The following LGSN variants were observed in gnomAD, a reference collection of about 807,000 sequenced individuals.
LGSN encodes lengsin, lens protein with glutamine synthetase domain, also known as lengsin.
Under a neutral mutation model 19.5 loss-of-function variants are expected in LGSN, and 21 were observed. The ratio of observed to expected loss-of-function variants is 1.07; its 90% CI spans 0.76 to 1.55. The LOEUF (loss-of-function observed/expected upper bound fraction) is 1.55, where lower values mean the gene tolerates loss of function less well. Among genes scored for constraint, LGSN ranks in the 40% most tolerant of loss-of-function variants. The pLI, the probability that LGSN is intolerant of heterozygous loss-of-function variation, is 0.00. For missense variants in LGSN, 673 were observed against 608.5 expected, an observed-to-expected ratio of 1.11 and a Z score of -1.12; for synonymous variants, 257 against 215.6, an observed-to-expected ratio of 1.19 and a Z score of -1.68.
the LGSN span, among the ~76,000 whole-genome samples, chr6:63,349,157 T>C: frequency 6.6e-6 from 1 of 151,522 alleles, no homozygotes; most frequent in African/African-American, 2.5e-5. Context: ...AAAGAGCTTC[T>C]TACATGCCAT....
At chr6:63,527,551 A>G in the LGSN span, among the ~76,000 whole-genome samples, 9 of 152,192 alleles carry the variant, frequency 5.9e-5, no homozygotes, top group Non-Finnish European at 1.2e-4. Context: ...ATTATAAAAT[A>G]ATATTTTCAC....
chr6:63,560,478 C>T, the LGSN span, among the ~76,000 whole-genome samples: 2 of 150,642 alleles, frequency 1.3e-5, no homozygotes. Context: ...TCTAGACTCA[C>T]TGCAACCTCT....
chr6:63,522,484 C>G, the LGSN span, among the ~76,000 whole-genome samples: 1 of 152,286 alleles, frequency 6.6e-6, no homozygotes, highest in African/African-American at 2.4e-5. Context: ...TTATCACCCT[C>G]GCCAAGACTG....
chr6:63,518,067 G>T, the LGSN span, among the ~76,000 whole-genome samples: 1 of 150,270 alleles, frequency 6.7e-6, no homozygotes, highest in Non-Finnish European at 1.5e-5. Context: ...CAAGAGAATT[G>T]CTTAAACCCG....
At chr6:63,416,958 C>CAT in the LGSN span, among the ~76,000 whole-genome samples, 3 of 148,746 alleles carry the variant, frequency 2.0e-5, no homozygotes, top group Non-Finnish European at 4.5e-5. Flanking sequence ...CACACACACA[C>CAT]ATTTAACGAA....
At chr6:63,398,464 T>C in the LGSN span, among the ~76,000 whole-genome samples, 6 of 152,054 alleles carry the variant, frequency 3.9e-5, no homozygotes, top group Admixed American at 2.0e-4. Context: ...AAAAAATACA[T>C]GTAAAAATAG....
the LGSN span, among the ~76,000 whole-genome samples, chr6:63,453,859 T>G: frequency 6.6e-6 from 1 of 152,096 alleles, no homozygotes; most frequent in African/African-American, 2.4e-5. Context: ...GGTTTCACTG[T>G]GTCAGCCAAG....
chr6:63,334,041 C>T, the LGSN span, among the ~76,000 whole-genome samples: 1 of 152,244 alleles, frequency 6.6e-6, no homozygotes, highest in Admixed American at 6.5e-5. Context: ...AAGTTGAATG[C>T]CTTTTCTCTA....
the LGSN span, among the ~76,000 whole-genome samples, chr6:63,431,939 G>T: frequency 6.6e-6 from 1 of 151,580 alleles, no homozygotes; most frequent in Non-Finnish European, 1.5e-5. Flanking sequence ...AGTTGGGCGT[G>T]GTGGTGGGCA....
At chr6:63,377,986 A>G in the LGSN span, among the ~76,000 whole-genome samples, 1 of 148,490 alleles carries the variant, frequency 6.7e-6, no homozygotes, top group Non-Finnish European at 1.5e-5. Flanking sequence ...TATTGCTGAT[A>G]TGGAGAAAGG....
At chr6:63,377,175 A>T in the LGSN span, among the ~76,000 whole-genome samples, 1 of 152,240 alleles carries the variant, frequency 6.6e-6, no homozygotes, top group South Asian at 2.1e-4. Flanking sequence ...CTTATAGTAA[A>T]CATTTGCCAC....
chr6:63,364,249 G>A, the LGSN span, among the ~76,000 whole-genome samples: 3 of 147,738 alleles, frequency 2.0e-5, no homozygotes, highest in East Asian at 3.9e-4. Flanking sequence ...CCAAGCAAAC[G>A]GAAAACAAAC....
chr6:63,377,667 C>T, the LGSN span, among the ~76,000 whole-genome samples: 2 of 152,094 alleles, frequency 1.3e-5, no homozygotes, highest in African/African-American at 4.8e-5. Context: ...AATCCCAGCA[C>T]TTTGGGAAGC....
At chr6:63,549,442 T>C in the LGSN span, 1 of 777,332 alleles carries the variant, frequency 1.3e-6, no homozygotes, top group Non-Finnish European at 2.3e-6. Context: ...TTTCTTAACC[T>C]CCTGCTTCTT....
chr6:63,385,841 A>T, the LGSN span, among the ~76,000 whole-genome samples: 1 of 152,198 alleles, frequency 6.6e-6, no homozygotes, highest in Non-Finnish European at 1.5e-5. Flanking sequence ...TGGTCAACCC[A>T]ATACATATAT....
chr6:63,447,976 T>A, the LGSN span, among the ~76,000 whole-genome samples: 2 of 152,232 alleles, frequency 1.3e-5, no homozygotes, highest in Non-Finnish European at 2.9e-5. Context: ...TAGTGAATTA[T>A]ATTTGTCAGC....
At chr6:63,425,602 C>T in the LGSN span, among the ~76,000 whole-genome samples, 4 of 151,958 alleles carry the variant, frequency 2.6e-5, no homozygotes, top group Non-Finnish European at 5.9e-5. Context: ...AATCAGTTGT[C>T]GAAGTTAGGG....
the LGSN span, among the ~76,000 whole-genome samples, chr6:63,569,116 G>C: frequency 6.6e-6 from 1 of 152,096 alleles, no homozygotes; most frequent in African/African-American, 2.4e-5. Context: ...CACTCCTTTT[G>C]TAAACTTGGT....
chr6:63,460,133 T>G, the LGSN span, among the ~76,000 whole-genome samples: 2 of 126,644 alleles, frequency 1.6e-5, no homozygotes, highest in African/African-American at 2.9e-5. Context: ...TTTTTTTTTG[T>G]ATTTTTAGTA....
Sources: gnomAD v4.1 joint callset for allele counts (sites outside exome capture counted in the v4.1 genomes callset) on GRCh38, gnomAD v4.1.1 for gene constraint, MANE v1.5 for transcripts, NCBI Gene and HGNC (gene_info 2026-07-23, HGNC 2026-07-21) for gene names.